The following PDE10A variants were observed in gnomAD, a reference collection of about 807,000 sequenced individuals.
PDE10A encodes the protein cAMP and cAMP-inhibited cGMP 3',5'-cyclic phosphodiesterase 10A.
PDE10A carries 39 observed loss-of-function variants against 97.7 expected under a neutral mutation model. The ratio of observed to expected loss-of-function variants is 0.40; its 90% CI spans 0.31 to 0.52. The LOEUF (loss-of-function observed/expected upper bound fraction) is 0.52. Ranked by LOEUF, PDE10A falls within the 20% of genes least tolerant of loss-of-function variation. PDE10A has a pLI of 0.56. For synonymous variants in PDE10A, 371 were observed against 376.8 expected (o/e 0.98, Z 0.18); for missense variants, 731 against 1,047.8 (o/e 0.70, Z 4.17).
At chr6:165,663,244 C>T (rs1445241862), upstream of PDE10A, among the ~76,000 whole-genome samples, 1 of 150,382 alleles carries the variant, frequency 6.6e-6, no homozygotes, top group Non-Finnish European at 1.5e-5. Flanking sequence ...CGCCCACTGG[C>T]GGAGCAGGCG....
chr6:165,635,035 A>G (rs1429340428), intron 1 of PDE10A, among the ~76,000 whole-genome samples: 1 of 152,174 alleles, frequency 6.6e-6, no homozygotes, highest in African/African-American at 2.4e-5. Context: ...TGAAATAAAG[A>G]TCCATTTGCC....
chr6:165,436,192 TTATTTTTATCTTA>T (rs1225008134), intron 5 of PDE10A, among the ~76,000 whole-genome samples: 2 of 152,260 alleles, frequency 1.3e-5, no homozygotes, highest in East Asian at 3.9e-4. Context: ...AGACTTCACT[TTATTTTTATCTTA>T]TGTTGGATTA....
chr6:165,906,125 C>T (rs1003778058), intron 1 of PDE10A, among the ~76,000 whole-genome samples: 2 of 132,390 alleles, frequency 1.5e-5, no homozygotes, highest in South Asian at 5.4e-4. Context: ...TTCCTCCCTT[C>T]CTTATTTCCC....
chr6:165,763,896 T>TA (rs1361219513), intron 1 of PDE10A, among the ~76,000 whole-genome samples: 1 of 152,080 alleles, frequency 6.6e-6, no homozygotes, highest in African/African-American at 2.4e-5. Context: ...GCAATGCACT[T>TA]AGAGTAATTC....
At chr6:165,719,210 A>G (rs1444080116) in intron 1 of PDE10A, among the ~76,000 whole-genome samples, 5 of 152,194 alleles carry the variant, frequency 3.3e-5, no homozygotes, top group African/African-American at 1.2e-4. Context: ...ACACAGGAAA[A>G]TCACCTAGGG....
intron 1 of PDE10A, among the ~76,000 whole-genome samples, chr6:165,867,957 T>C (rs1461500250): frequency 6.6e-6 from 1 of 152,046 alleles, no homozygotes; most frequent in African/African-American, 2.4e-5. Flanking sequence ...GAGGGAAATT[T>C]TAAAAATGTC....
intron 1 of PDE10A, among the ~76,000 whole-genome samples, chr6:165,973,264 T>C (rs1019638992): frequency 6.6e-6 from 1 of 151,862 alleles, no homozygotes; most frequent in Non-Finnish European, 1.5e-5. Flanking sequence ...GATAAAAATG[T>C]AAAAATTAGC....
intron 1 of PDE10A, among the ~76,000 whole-genome samples, chr6:165,576,246 G>A (rs1427030420): frequency 6.6e-6 from 1 of 152,158 alleles, no homozygotes; most frequent in Non-Finnish European, 1.5e-5. Flanking sequence ...CTTGACTGAA[G>A]GTTGGCACCA....
At chr6:165,521,520 T>C (rs1327424451) in intron 2 of PDE10A, among the ~76,000 whole-genome samples, 1 of 152,204 alleles carries the variant, frequency 6.6e-6, no homozygotes, top group East Asian at 1.9e-4. Flanking sequence ...AAATTATAAG[T>C]TCTACTCCAG....
At chr6:165,628,343 GTTCTT>G (rs1788479455) in intron 1 of PDE10A, among the ~76,000 whole-genome samples, 2 of 138,630 alleles carry the variant, frequency 1.4e-5, no homozygotes, top group South Asian at 4.5e-4. Context: ...TAATGTGATA[GTTCTT>G]TTCTTTTCTC....
At position 165,435,388 on chromosome 6, in the gene PDE10A, G is replaced by T. The variant is rs780519703; in HGVS notation, c.1195-11C>A. 3.1e-6 allele frequency: 5 copies of T among 1,609,062 alleles called. No homozygotes were observed. The highest frequency in any genetic ancestry group is 3.4e-5 in the Admixed American group (2 of 58,914). ...GAATATACACAGGCTCTAGGGAGAAGAAAAGATGTTTTACAGACTTTCCTG... is the reference window on the plus strand; with the variant it reads ...GAATATACACAGGCTCTAGGGAGAATAAAAGATGTTTTACAGACTTTCCTG... On this transcript the variant is annotated splice_polypyrimidine_tract_variant and intron_variant, in intron 5 of 21. Coordinates refer to ENST00000539869, the MANE Select transcript of PDE10A (RefSeq NM_001385079.1).
intron 1 of PDE10A, among the ~76,000 whole-genome samples, chr6:165,927,282 G>A (rs1474296): frequency 6.6e-6 from 1 of 151,884 alleles, no homozygotes; most frequent in African/African-American, 2.4e-5. Flanking sequence ...GTGAAGTATG[G>A]CTTTCAGGAT....
intron 18 of PDE10A, among the ~76,000 whole-genome samples, chr6:165,370,914 G>T (rs1290041212): frequency 6.8e-6 from 1 of 146,994 alleles, no homozygotes; most frequent in African/African-American, 2.6e-5. Context: ...TAGAACTCAG[G>T]GTTAAGAAAC....
chr6:165,949,631 T>G (rs142479485), intron 1 of PDE10A: 54 of 152,120 alleles, frequency 3.5e-4, no homozygotes, highest in African/African-American at 1.3e-3. Context: ...TACTTGAAAA[T>G]AAAAACGTAG....
At chr6:165,609,134 T>C (rs1787369831) in intron 1 of PDE10A, among the ~76,000 whole-genome samples, 1 of 152,212 alleles carries the variant, frequency 6.6e-6, no homozygotes. Context: ...TTGTCAATTT[T>C]GGCTTTTGTT....
intron 1 of PDE10A, among the ~76,000 whole-genome samples, chr6:165,824,937 C>T (rs1273817551): frequency 6.9e-6 from 1 of 144,536 alleles, no homozygotes; most frequent in Non-Finnish European, 1.5e-5. Context: ...TTGAGACGAG[C>T]CTGGCCAACA....
intron 1 of PDE10A, among the ~76,000 whole-genome samples, chr6:165,751,539 G>A (rs1793001268): frequency 6.6e-6 from 1 of 152,180 alleles, no homozygotes; most frequent in Non-Finnish European, 1.5e-5. Flanking sequence ...CCTGTAGAGA[G>A]GCCAAGGCAA....
intron 1 of PDE10A, among the ~76,000 whole-genome samples, chr6:165,680,507 C>G (rs1790945336): frequency 6.6e-6 from 1 of 152,212 alleles, no homozygotes. Flanking sequence ...TGACCTTGAA[C>G]TTGAGTCATA....
chr6:165,979,842 A>G (rs1160884004), intron 1 of PDE10A, among the ~76,000 whole-genome samples: 1 of 152,236 alleles, frequency 6.6e-6, no homozygotes, highest in Non-Finnish European at 1.5e-5. Context: ...AGAGTAATAC[A>G]TATACCAATT....
Sources: allele counts gnomAD v4.1 joint callset (sites outside exome capture counted in the v4.1 genomes callset), GRCh38; gene constraint gnomAD v4.1.1; transcripts MANE v1.5; gene names NCBI Gene and HGNC (gene_info 2026-07-23, HGNC 2026-07-21).